RBPMS: variants seen among roughly 807,000 people sequenced by gnomAD.
RBPMS encodes the protein RNA binding protein, mRNA processing factor, also known as RNA-binding protein with multiple splicing.
RBPMS carries 7 observed loss-of-function variants against 26.8 expected under a neutral mutation model. The ratio of observed to expected loss-of-function variants is 0.26; its 90% CI spans 0.15 to 0.49. RBPMS has a LOEUF of 0.49. Ranked by LOEUF, RBPMS falls within the 20% of genes least tolerant of loss-of-function variation. The pLI, the probability that RBPMS is intolerant of heterozygous loss-of-function variation, is 0.98. For synonymous variants in RBPMS, 96 were observed against 93.3 expected (o/e 1.03, Z -0.17); for missense variants, 186 against 250.0 (o/e 0.74, Z 1.73).
chr8:30,542,215 G>A (rs559370763), intron 5 of RBPMS, among the ~76,000 whole-genome samples: 2 of 152,308 alleles, frequency 1.3e-5, no homozygotes. Context: ...GCTGGGCTGG[G>A]TTTTGTGCAA....
chr8:30,487,841 ACTT>A (rs1485023378), intron 4 of RBPMS, among the ~76,000 whole-genome samples: 2 of 152,144 alleles, frequency 1.3e-5, no homozygotes, highest in Non-Finnish European at 2.9e-5. Context: ...TAAGACTAAA[ACTT>A]CTTTTCTAAA....
At chr8:30,545,292 G>T in intron 6 of RBPMS, 2 of 1,198,118 alleles carry the variant, frequency 1.7e-6, no homozygotes, top group Admixed American at 3.7e-5. Context: ...CAAACTTCCT[G>T]TTTCTCCGCA....
rs372739646 is a variant in RBPMS at position 30,549,637 on chromosome 8, C to G, written c.528+5013C>G. On this transcript the variant is annotated intron_variant, in intron 6 of 8. Coordinates refer to ENST00000397323, the MANE Select transcript of RBPMS (RefSeq NM_001008710.3). ...TAGCTCTCACAGGAGGAGGGGCGGA[C>G]GGGGAGGCCAGGCCTCATGCTCACA... The G allele has an allele frequency of 7.1e-6, 10 of 1,409,670 alleles. No individual in the cohort carries two copies. The African/African-American group carries it at 1.3e-4, about 18-fold the overall frequency. The allele number at this position is 1,409,670 out of a possible 1,614,324, so 87.3% of individuals were successfully genotyped here.
intron 5 of RBPMS, among the ~76,000 whole-genome samples, chr8:30,515,728 TCACTGCAGCCTCC>T (rs1822238621): frequency 6.6e-6 from 1 of 152,176 alleles, no homozygotes; most frequent in Non-Finnish European, 1.5e-5. Context: ...CCATCACAGC[TCACTGCAGCCTCC>T]AGCTCCTGAG....
intron 6 of RBPMS, chr8:30,558,334 C>T (rs1462407010): frequency 6.3e-6 from 1 of 159,328 alleles, no homozygotes. Context: ...GTAGGCCCAT[C>T]TCCTCAGTAG....
chr8:30,385,545 T>G, intron 1 of RBPMS: 1 of 171,692 alleles, frequency 5.8e-6, no homozygotes, highest in South Asian at 2.0e-4. Flanking sequence ...GGGAGCAGTT[T>G]AAGGAAGAAA....
intron 1 of RBPMS, among the ~76,000 whole-genome samples, chr8:30,416,715 C>T (rs1025804828): frequency 6.6e-6 from 1 of 151,978 alleles, no homozygotes; most frequent in Non-Finnish European, 1.5e-5. Context: ...CCTCGTGATC[C>T]GCCTGCCTCG....
At chr8:30,508,589 A>G (rs1382740218) in intron 5 of RBPMS, among the ~76,000 whole-genome samples, 1 of 150,998 alleles carries the variant, frequency 6.6e-6, no homozygotes, top group African/African-American at 2.4e-5. Flanking sequence ...GTGTTTGTAT[A>G]CTCAGCATCT....
intron 5 of RBPMS, among the ~76,000 whole-genome samples, chr8:30,541,734 G>A (rs1051478272): frequency 6.6e-6 from 1 of 152,176 alleles, no homozygotes; most frequent in African/African-American, 2.4e-5. Flanking sequence ...TGAGCAGGAT[G>A]GGCAGTGACT....
chr8:30,495,011 C>T (rs552546018), intron 4 of RBPMS, among the ~76,000 whole-genome samples: 3 of 152,270 alleles, frequency 2.0e-5, no homozygotes, highest in Non-Finnish European at 4.4e-5. Flanking sequence ...GGCCTAGTCA[C>T]TAGGAAATAT....
At chr8:30,440,269 A>G (rs1049175275) in intron 1 of RBPMS, among the ~76,000 whole-genome samples, 6 of 152,054 alleles carry the variant, frequency 3.9e-5, no homozygotes, top group Non-Finnish European at 7.4e-5. Context: ...TGTTGAGTAT[A>G]TTCACATTGT....
chr8:30,412,405 C>T (rs1034102474), intron 1 of RBPMS, among the ~76,000 whole-genome samples: 9 of 151,892 alleles, frequency 5.9e-5, no homozygotes, highest in East Asian at 5.8e-4. Flanking sequence ...TGACTGTTCC[C>T]GGAATGGGCT....
rs532721112 is a variant in RBPMS at position 30,501,407 on chromosome 8, G to C, written c.247-2879G>C. On this transcript the variant is annotated intron_variant, in intron 4 of 8. Transcript: ENST00000397323. The stretch of plus-strand genomic sequence containing the variant: ...TGGCTCCCTGGCATGAAACTGCCCT[G>C]GTATACTTTTAAGTATACTGGACGA... Among the ~76,000 whole-genome samples the C allele has an allele frequency of 8.0e-4, 121 of 151,652 alleles. 1 individual carries two copies. Among genetic ancestry groups the C allele is most frequent in the African/African-American group, 2.7e-3 (113 of 41,220 alleles).
At position 30,385,708 on chromosome 8, in the gene RBPMS, C is replaced by T. The variant is rs148349551; in HGVS notation, c.66+550C>T. On this transcript the variant is annotated intron_variant, in intron 1 of 8. Transcript: ENST00000397323. ...TTCTTCTCTGCTGAGTCAAAGACCC[C>T]GAGCCTGGGCGGTGAACGCTTGTGA... 5.0e-3 allele frequency among the ~76,000 whole-genome samples: 755 copies of T among 152,164 alleles called. 5 individuals carry two copies. The highest frequency in any genetic ancestry group is 7.5e-3 in the Non-Finnish European group (509 of 68,002).
intron 1 of RBPMS, among the ~76,000 whole-genome samples, chr8:30,462,252 T>C (rs139162903): frequency 6.6e-6 from 1 of 152,220 alleles, no homozygotes. Context: ...ATTCTGTTTC[T>C]CTGCATCTTT....
intron 6 of RBPMS, among the ~76,000 whole-genome samples, chr8:30,549,302 C>A (rs1405294973): frequency 6.6e-6 from 1 of 152,194 alleles, no homozygotes; most frequent in African/African-American, 2.4e-5. Context: ...CCCCAGACTG[C>A]CTTGTCCTTG....
chr8:30,446,858 C>CGG (rs1813910395), intron 1 of RBPMS: 1 of 129,912 alleles, frequency 7.7e-6, no homozygotes, highest in Admixed American at 7.9e-5. Flanking sequence ...CGCGCGCGCG[C>CGG]GGTGGAGGGT....
chr8:30,539,395 T>A (rs1272216267), intron 5 of RBPMS, among the ~76,000 whole-genome samples: 1 of 152,098 alleles, frequency 6.6e-6, no homozygotes, highest in Admixed American at 6.5e-5. Flanking sequence ...GACCCCAAAC[T>A]ATGAGACAAG....
At chr8:30,472,451 CTT>C (rs1817226926) in intron 1 of RBPMS, among the ~76,000 whole-genome samples, 1 of 152,198 alleles carries the variant, frequency 6.6e-6, no homozygotes, top group African/African-American at 2.4e-5. Flanking sequence ...CATGAATAAA[CTT>C]TTGGTGGTGA....
Sources: allele counts gnomAD v4.1 joint callset (sites outside exome capture counted in the v4.1 genomes callset), GRCh38; gene constraint gnomAD v4.1.1; transcripts MANE v1.5; gene names NCBI Gene and HGNC (gene_info 2026-07-23, HGNC 2026-07-21).